NOTCH2: variants seen among roughly 807,000 people sequenced by gnomAD.
NOTCH2 encodes notch receptor 2, also known as neurogenic locus notch homolog protein 2.
In NOTCH2, 29 loss-of-function variants were observed where a neutral mutation model predicts 235.8. The observed-to-expected ratio is 0.12, with a 90% confidence interval of 0.09 to 0.17. The LOEUF is 0.17. Ranked by LOEUF, NOTCH2 falls within the 10% of genes least tolerant of loss-of-function variation. The pLI, the probability that NOTCH2 is intolerant of heterozygous loss-of-function variation, is 1.00. For synonymous variants in NOTCH2, 1,086 were observed against 1,141.5 expected, an observed-to-expected ratio of 0.95 and a Z score of 0.98; for missense variants, 2,285 against 3,150.2, an observed-to-expected ratio of 0.73 and a Z score of 6.57.
In NOTCH2 at chr1:119,966,394, G is replaced by T; in HGVS notation, c.1549C>A (p.Gln517Lys). 6.2e-7 allele frequency: 1 copy of T among 1,613,584 alleles called. No homozygotes were observed. Among genetic ancestry groups the T allele is most frequent in the East Asian group, 2.2e-5 (1 of 44,862 alleles). The change falls in exon 9 of 34, where the codon CAG (glutamine) becomes AAG (lysine). Residue 517 changes from glutamine (Q) to lysine (K), a missense_variant. By Grantham distance (53) the Gln-to-Lys change is moderately conservative (BLOSUM62 1). Transcript: ENST00000256646. ...GQCVDKVNRFQCLCPPGFTGP... is the reference protein window; with the variant it reads ...GQCVDKVNRFKCLCPPGFTGP... Reference sequence around the variant, plus strand: ...CACTTACCAGGAGGACACAGGCACTGGAAACGATTGACTTTATCCACACAC... The same window carrying T: ...CACTTACCAGGAGGACACAGGCACTTGAAACGATTGACTTTATCCACACAC...
Position 119,929,941 on chromosome 1 carries a change from A to G in NOTCH2, c.3656-729T>C, listed in dbSNP as rs376731222. ...ATTGTATTTTTACTGTACCTTTTAA[A>G]TCTTCTACTGTACCTCTTCTTAAAT... On this transcript the variant is annotated intron_variant, in intron 22 of 33. Coordinates refer to ENST00000256646, the MANE Select transcript of NOTCH2 (RefSeq NM_024408.4). Among the ~76,000 whole-genome samples the G allele has an allele frequency of 3.9e-5, 6 of 152,186 alleles. No homozygotes were observed. The East Asian group carries it at 1.2e-3, about 29-fold the overall frequency.
intron 4 of NOTCH2, among the ~76,000 whole-genome samples, chr1:119,989,346 G>C (rs1251438771): frequency 1.3e-5 from 2 of 151,912 alleles, no homozygotes; most frequent in Non-Finnish European, 2.9e-5. Flanking sequence ...ACTCAAAATG[G>C]ATCGGAGACC....
chr1:119,990,349 TGGGTAAA>T (rs1206763759), intron 4 of NOTCH2, among the ~76,000 whole-genome samples: 1 of 72,798 alleles, frequency 1.4e-5, no homozygotes, highest in African/African-American at 5.6e-5. Context: ...TAATTGATAA[TGGGTAAA>T]GGGTTTCTTC....
intron 5 of NOTCH2, among the ~76,000 whole-genome samples, chr1:119,980,784 A>G (rs1477443418): frequency 6.6e-6 from 1 of 152,188 alleles, no homozygotes; most frequent in African/African-American, 2.4e-5. Context: ...CAAATAACGC[A>G]GTAAGAGAAG....
intron 2 of NOTCH2, among the ~76,000 whole-genome samples, chr1:120,017,468 T>C (rs1180985013): frequency 6.6e-6 from 1 of 152,166 alleles, no homozygotes; most frequent in Non-Finnish European, 1.5e-5. Context: ...ATACTCCCAG[T>C]GCCTAACACA....
At chr1:120,041,041 C>CAAAA (rs71586698) in intron 1 of NOTCH2, among the ~76,000 whole-genome samples, 41 of 15,660 alleles carry the variant, frequency 2.6e-3, no homozygotes, top group Non-Finnish European at 3.7e-3. Flanking sequence ...ACTCTGCCTG[C>CAAAA]AAAAAAAAAA....
chr1:119,967,686 G>T (rs1277175554), intron 7 of NOTCH2, 65 bp from the exon 8 acceptor site: 1 of 1,388,010 alleles, frequency 7.2e-7, no homozygotes. Context: ...GTGAACAATA[G>T]AAGAGCATCT....
At chr1:119,978,788 A>G (rs587654149) in intron 5 of NOTCH2, among the ~76,000 whole-genome samples, 1 of 152,304 alleles carries the variant, frequency 6.6e-6, no homozygotes, top group South Asian at 2.1e-4. Context: ...CTGCACCAGG[A>G]GGAAAAACTA....
rs758311065 is a variant in NOTCH2 at position 119,925,686 on chromosome 1, C to T, written c.4130G>A (p.Gly1377Asp). The T allele has an allele frequency of 6.2e-7, 1 of 1,612,344 alleles. No homozygotes were observed. The highest frequency in any genetic ancestry group is 8.5e-7 in the Non-Finnish European group (1 of 1,178,704). The change falls in exon 25 of 34, where the codon GGC becomes GAC. Residue 1377 changes from glycine to aspartate, a missense_variant. This residue lies in a region of NOTCH2 where 1,173 missense variants were observed against 1,515.3 expected (regional missense o/e 0.77). Coordinates refer to ENST00000256646, the MANE Select transcript of NOTCH2 (RefSeq NM_024408.4). ...GTGCTGGCAGGGGCTACTGGCACAG[C>T]CTGACTCGCAGTCCCGGGGACTGGG... ...FCPSPRDCES[G>D]CASSPCQHGG...
intron 5 of NOTCH2, among the ~76,000 whole-genome samples, chr1:119,984,741 T>C (rs1651945710): frequency 6.6e-6 from 1 of 152,170 alleles, no homozygotes; most frequent in African/African-American, 2.4e-5. Flanking sequence ...TCATCAATAG[T>C]CCAACCGCCC....
Position 119,913,982 on chromosome 1 carries a change from C to T in NOTCH2, c.*1324G>A, listed in dbSNP as rs1179719733. On this transcript the variant is annotated 3_prime_UTR_variant, in exon 34 of 34. Transcript: ENST00000256646. Reference sequence around the variant, plus strand: ...GAACATACTGGGTATACCAGTAACACGGACCACACGGTGTGAAAGAAAGAT... The same window carrying T: ...GAACATACTGGGTATACCAGTAACATGGACCACACGGTGTGAAAGAAAGAT... 1.7e-5 allele frequency: 4 copies of T among 232,876 alleles called. No individual in the cohort carries two copies. The highest frequency in any genetic ancestry group is 5.6e-5 in the Admixed American group (1 of 17,780). 14.4% of individuals were successfully genotyped at this position (232,876 alleles called of 1,614,324 possible). A position where few individuals can be genotyped will look rare whatever the true frequency, so the allele number is the denominator to read the frequency against.
intron 11 of NOTCH2, among the ~76,000 whole-genome samples, chr1:119,960,610 A>C (rs1650898627): frequency 6.6e-6 from 1 of 152,048 alleles, no homozygotes; most frequent in Non-Finnish European, 1.5e-5. Context: ...ACTGGTAATG[A>C]GAATATAAGA....
intron 2 of NOTCH2, among the ~76,000 whole-genome samples, chr1:120,005,985 G>C (rs2101244470): frequency 6.9e-6 from 1 of 143,932 alleles, no homozygotes; most frequent in East Asian, 2.0e-4. Flanking sequence ...TTTTGACTAA[G>C]CCATTTGATA....
At chr1:120,046,691 TG>T (rs1176546831) in intron 1 of NOTCH2, among the ~76,000 whole-genome samples, 25 of 33,710 alleles carry the variant, frequency 7.4e-4, no homozygotes, top group African/African-American at 3.8e-3. Context: ...CTGGACAGAC[TG>T]TAGAGCTCCT....
In NOTCH2 at chr1:119,967,422, G is replaced by A. The variant is rs1651186852; in HGVS notation, c.1453+11C>T. On this transcript the variant is annotated intron_variant, in intron 8 of 33. Coordinates refer to ENST00000256646, the MANE Select transcript of NOTCH2 (RefSeq NM_024408.4). Reference sequence around the variant, plus strand: ...CCTCTCTAGACCCAACATGCTGATGGGCCCATTTACCTGGCATGCACAGAC... The same window carrying A: ...CCTCTCTAGACCCAACATGCTGATGAGCCCATTTACCTGGCATGCACAGAC... 6.2e-7 allele frequency: 1 copy of A among 1,612,860 alleles called. No individual in the cohort carries two copies. Among genetic ancestry groups the A allele is most frequent in the African/African-American group, 1.3e-5 (1 of 74,852 alleles).
chr1:119,934,072 G>GCC (rs2101179590), intron 22 of NOTCH2, among the ~76,000 whole-genome samples: 1 of 152,326 alleles, frequency 6.6e-6, no homozygotes, highest in African/African-American at 2.4e-5. Flanking sequence ...CAAAATCAGT[G>GCC]TTATATTAAG....
chr1:119,933,937 G>C (rs1285153050), intron 22 of NOTCH2, among the ~76,000 whole-genome samples: 2 of 152,236 alleles, frequency 1.3e-5, no homozygotes, highest in South Asian at 2.1e-4. Context: ...GGAAGCTGCT[G>C]TATGACCCTT....
Position 119,997,217 on chromosome 1 carries a change from C to T in NOTCH2, c.531G>A (p.Gln177=), listed in dbSNP as rs1652500571. 6.2e-7 allele frequency: 1 copy of T among 1,614,044 alleles called. No homozygotes were observed. Among genetic ancestry groups the T allele is most frequent in the Non-Finnish European group, 8.5e-7 (1 of 1,179,868 alleles). Residue 177 remains glutamine, a synonymous_variant, in exon 4 of 34, where the codon CAG becomes CAA. Transcript: ENST00000256646. ...ACTCATTGACATCAGTCTCACATTT[C>T]TGCCCTGTGAAGCCTGTGAGGCATT... ...SCKCLTGFTG[Q]KCETDVNECD...
At chr1:119,932,501 C>G (rs1472915026) in intron 22 of NOTCH2, among the ~76,000 whole-genome samples, 1 of 152,136 alleles carries the variant, frequency 6.6e-6, no homozygotes, top group African/African-American at 2.4e-5. Context: ...GCAGGAAAAT[C>G]ACTCGAACCC....
Sources: allele counts gnomAD v4.1 joint callset (sites outside exome capture counted in the v4.1 genomes callset), GRCh38; gene constraint gnomAD v4.1.1; regional missense constraint gnomAD v4.1.1; transcripts MANE v1.5; gene names NCBI Gene and HGNC (gene_info 2026-07-23, HGNC 2026-07-21).